SPARCL1: variants seen among roughly 807,000 people sequenced by gnomAD.
SPARCL1 encodes SPARC-like protein 1.
In SPARCL1, 52 loss-of-function variants were observed where a neutral mutation model predicts 67.1. The observed-to-expected ratio is 0.78, with a 90% CI of 0.62 to 0.98. SPARCL1 has a LOEUF of 0.98. Among genes scored for constraint, SPARCL1 ranks in the 50% least tolerant of loss-of-function variants. The probability of loss-of-function intolerance (pLI) is 0.00; values close to 1 mark genes in which losing one functional copy is unlikely to be tolerated. For synonymous variants in SPARCL1, 226 were observed against 267.8 expected (o/e 0.84, Z 1.52); for missense variants, 717 against 782.4 (o/e 0.92, Z 1.00).
chr4:87,501,014 C>T (rs1578106165), intron 1 of SPARCL1, among the ~76,000 whole-genome samples: 1 of 152,120 alleles, frequency 6.6e-6, no homozygotes, highest in East Asian at 1.9e-4. Flanking sequence ...CCTTTTAAAG[C>T]TTTTTACGTA....
At chr4:87,527,332 C>A (rs766024670) in intron 1 of SPARCL1, among the ~76,000 whole-genome samples, 4 of 152,118 alleles carry the variant, frequency 2.6e-5, no homozygotes, top group Non-Finnish European at 4.4e-5. Context: ...TCCTTCTCCA[C>A]TGAAGATCAT....
chr4:87,513,528 A>G (rs576904993), intron 1 of SPARCL1, among the ~76,000 whole-genome samples: 1 of 152,280 alleles, frequency 6.6e-6, no homozygotes, highest in Admixed American at 6.5e-5. Context: ...TCCGATGTCA[A>G]AGGTAGCTCC....
intron 1 of SPARCL1, among the ~76,000 whole-genome samples, chr4:87,506,828 C>CTAT (rs1725105786): frequency 6.2e-5 from 9 of 146,140 alleles, no homozygotes; most frequent in African/African-American, 2.3e-4. Context: ...TATCTATCTA[C>CTAT]CTACCTACCT....
intron 1 of SPARCL1, among the ~76,000 whole-genome samples, chr4:87,506,340 A>C (rs1423012247): frequency 6.6e-6 from 1 of 152,212 alleles, no homozygotes; most frequent in Non-Finnish European, 1.5e-5. Context: ...TGACTAGACC[A>C]TGGGATGCCC....
intron 7 of SPARCL1, among the ~76,000 whole-genome samples, chr4:87,487,024 G>C (rs751754181): frequency 1.3e-5 from 2 of 148,736 alleles, no homozygotes; most frequent in African/African-American, 5.0e-5. Context: ...ACAGTATGCT[G>C]ATGGGTCTTG....
chr4:87,479,914 A>G (rs1006127971), intron 9 of SPARCL1, among the ~76,000 whole-genome samples: 9 of 152,156 alleles, frequency 5.9e-5, no homozygotes, highest in African/African-American at 2.2e-4. Flanking sequence ...CATTGGGCCA[A>G]TCTTGGGAAT....
chr4:87,525,781 G>A (rs1267787721), intron 1 of SPARCL1, among the ~76,000 whole-genome samples: 3 of 152,178 alleles, frequency 2.0e-5, no homozygotes, highest in African/African-American at 7.2e-5. Context: ...TTTTAAAGCA[G>A]ACTAAGAGTT....
intron 1 of SPARCL1, among the ~76,000 whole-genome samples, chr4:87,525,584 A>T (rs1193042756): frequency 2.6e-5 from 4 of 152,148 alleles, no homozygotes. Flanking sequence ...TTGCCTTCCC[A>T]GTTGTTTTTC....
At chr4:87,499,230 T>G (rs1335232382) in intron 2 of SPARCL1, among the ~76,000 whole-genome samples, 2 of 152,198 alleles carry the variant, frequency 1.3e-5, no homozygotes, top group African/African-American at 4.8e-5. Flanking sequence ...AGAATTTATT[T>G]CTTCCTGTCT....
chr4:87,526,658 A>T (rs1178852839), intron 1 of SPARCL1, among the ~76,000 whole-genome samples: 3 of 152,116 alleles, frequency 2.0e-5, no homozygotes, highest in Non-Finnish European at 4.4e-5. Context: ...TGCTCTGTCC[A>T]CTCTGCTGTG....
chr4:87,486,153 G>A (rs58233878), intron 7 of SPARCL1, among the ~76,000 whole-genome samples: 32,550 of 151,698 alleles, frequency 0.21, 5,247 homozygotes, highest in African/African-American at 0.46. Context: ...TTTAATTGTG[G>A]TGCTAGGGTG....
chr4:87,493,508 G>A, intron 4 of SPARCL1, 74 bp downstream of exon 4: 1 of 1,335,312 alleles, frequency 7.5e-7, no homozygotes, highest in Non-Finnish European at 1.0e-6. Flanking sequence ...CACTGTGAGA[G>A]CACAGAGAAA....
intron 1 of SPARCL1, among the ~76,000 whole-genome samples, chr4:87,521,472 T>C (rs114021099): frequency 0.015 from 2,321 of 152,318 alleles, 29 homozygotes; most frequent in Non-Finnish European, 0.026. Context: ...CTGGTAGTTA[T>C]TGCTTCAAGT....
chr4:87,496,438 C>T (rs893810941), intron 2 of SPARCL1, among the ~76,000 whole-genome samples: 1 of 151,940 alleles, frequency 6.6e-6, no homozygotes, highest in Non-Finnish European at 1.5e-5. Flanking sequence ...AGTCTGGCCT[C>T]GAACTTCTGA....
chr4:87,488,259 T>C (rs980422318), intron 7 of SPARCL1, among the ~76,000 whole-genome samples: 2 of 152,240 alleles, frequency 1.3e-5, no homozygotes, highest in African/African-American at 4.8e-5. Context: ...TTGATGTTAG[T>C]GGCCTTTGGA....
At chr4:87,480,145 C>T (rs1401283791) in intron 9 of SPARCL1, among the ~76,000 whole-genome samples, 1 of 151,738 alleles carries the variant, frequency 6.6e-6, no homozygotes, top group African/African-American at 2.4e-5. Flanking sequence ...ACTTTATCAA[C>T]ATAAGCTCTA....
intron 1 of SPARCL1, among the ~76,000 whole-genome samples, chr4:87,505,385 C>T (rs1199536721): frequency 3.3e-5 from 5 of 151,822 alleles, no homozygotes; most frequent in East Asian, 1.9e-4. Flanking sequence ...ACTCTATTAG[C>T]GATGATAATT....
Position 87,494,033 on chromosome 4 carries a change from A to T in SPARCL1, c.767T>A (p.Met256Lys). ...ESDQPTQVSK[M>K]QEDEFDQGNQ... ...ACCCTGATCAAATTCATCCTCCTGCATCTTGCTTACTTGAGTTGGTTGATC... is the reference window on the plus strand; with the variant it reads ...ACCCTGATCAAATTCATCCTCCTGCTTCTTGCTTACTTGAGTTGGTTGATC... The change falls in exon 4 of 11, where the codon ATG becomes AAG. Residue 256 changes from methionine to lysine, a missense_variant. Transcript: ENST00000282470. 1 of 1,614,062 alleles carries T rather than the reference A, an allele frequency of 6.2e-7. No individual in the cohort carries two copies. Among genetic ancestry groups the T allele is most frequent in the East Asian group, 2.2e-5 (1 of 44,878 alleles).
chr4:87,495,115 A>T lies in SPARCL1; in HGVS notation c.67T>A (p.Leu23Ile). ...TAAAIPTNAR[L>I]LSDHSKPTAE... is the part of the protein sequence containing the mutation. ...GTTGGTTTGGAATGATCAGATAATAATCTTGCATTTGTCTGAAAAAATTAA... is the reference window on the plus strand; with the variant it reads ...GTTGGTTTGGAATGATCAGATAATATTCTTGCATTTGTCTGAAAAAATTAA... Residue 23 changes from leucine to isoleucine, a missense_variant, in exon 3 of 11, where the codon TTA becomes ATA. By Grantham distance (5) the Leu-to-Ile change is conservative. Transcript: ENST00000282470. 1 of 1,600,986 alleles carries T rather than the reference A, an allele frequency of 6.2e-7. No individual in the cohort carries two copies. The highest frequency in any genetic ancestry group is 8.5e-7 in the Non-Finnish European group (1 of 1,177,508).
Sources: allele counts gnomAD v4.1 joint callset (sites outside exome capture counted in the v4.1 genomes callset), GRCh38; gene constraint gnomAD v4.1.1; transcripts MANE v1.5; gene names NCBI Gene and HGNC (gene_info 2026-07-23, HGNC 2026-07-21).